The following USP14 variants were observed in gnomAD, a reference collection of about 807,000 sequenced individuals.
USP14 encodes ubiquitin carboxyl-terminal hydrolase 14.
USP14 carries 38 observed loss-of-function variants against 76.5 expected under a neutral mutation model. The ratio of observed to expected loss-of-function variants is 0.50; its 90% CI spans 0.38 to 0.65. The LOEUF (loss-of-function observed/expected upper bound fraction) is 0.65, where lower values mean the gene tolerates loss of function less well. USP14 is among the 30% of genes least tolerant of loss of function. USP14 has a pLI of 0.00. For synonymous variants in USP14, 192 were observed against 191.7 expected (o/e 1.00, Z -0.01); for missense variants, 467 against 586.5 (o/e 0.80, Z 2.10).
At chr18:179,290 A>C (rs1353216498) in intron 4 of USP14, among the ~76,000 whole-genome samples, 3 of 152,054 alleles carry the variant, frequency 2.0e-5, no homozygotes, top group Non-Finnish European at 4.4e-5. Context: ...CTTCCAAGTG[A>C]ATTTACTTAG....
chr18:181,585 A>G lies in USP14; in HGVS notation c.404+1246A>G, dbSNP rs953175164. Among the ~76,000 whole-genome samples, 3 of 152,278 alleles carry G rather than the reference A, an allele frequency of 2.0e-5. No individual in the cohort carries two copies. In the South Asian group the frequency reaches 6.2e-4, roughly 32 times the overall value. On this transcript the variant is annotated intron_variant, in intron 5 of 15. Coordinates refer to ENST00000261601, the MANE Select transcript of USP14 (RefSeq NM_005151.4). ...TATACAAGTTCCTTACCCAATGGAT[A>G]ATTTGCAAATCTTTTCTTCTATACT...
intron 3 of USP14, among the ~76,000 whole-genome samples, chr18:174,709 G>T (rs913785206): frequency 3.3e-5 from 5 of 151,526 alleles, no homozygotes; most frequent in African/African-American, 1.2e-4. Context: ...GGCTCAAGGG[G>T]TTCTCCCACC....
chr18:208,836 C>T (rs1156917216), intron 13 of USP14, among the ~76,000 whole-genome samples: 1 of 152,120 alleles, frequency 6.6e-6, no homozygotes, highest in African/African-American at 2.4e-5. Flanking sequence ...ACCTCTGCCT[C>T]CTGGGTTCAA....
chr18:177,686 A>G (rs1468128660), intron 3 of USP14, among the ~76,000 whole-genome samples: 1 of 140,490 alleles, frequency 7.1e-6, no homozygotes, highest in Non-Finnish European at 1.5e-5. Context: ...ACTTTGTCTC[A>G]TGTGTTCATG....
intron 1 of USP14, chr18:163,052 A>G (rs545442770): frequency 9.8e-5 from 27 of 274,234 alleles, no homozygotes; most frequent in African/African-American, 5.3e-4. Flanking sequence ...CTGGGATTAC[A>G]GGCGTGAGCC....
chr18:192,259 T>C (rs1910111199), intron 5 of USP14, among the ~76,000 whole-genome samples: 1 of 152,240 alleles, frequency 6.6e-6, no homozygotes, highest in Admixed American at 6.5e-5. Flanking sequence ...TGTTTCACAA[T>C]ACTTTCAGAA....
At chr18:202,128 C>A (rs552095302) in intron 10 of USP14, among the ~76,000 whole-genome samples, 5 of 152,272 alleles carry the variant, frequency 3.3e-5, no homozygotes, top group African/African-American at 1.2e-4. Context: ...TAAAGCAGAG[C>A]ACATAAGTAG....
chr18:186,055 TTAAA>T (rs1322479043), intron 5 of USP14, among the ~76,000 whole-genome samples: 1 of 152,146 alleles, frequency 6.6e-6, no homozygotes, highest in Admixed American at 6.6e-5. Flanking sequence ...CAAAAAAATT[TTAAA>T]TAACAGAAAA....
intron 2 of USP14, among the ~76,000 whole-genome samples, chr18:165,836 T>A (rs575915279): frequency 1.2e-4 from 19 of 152,300 alleles, no homozygotes; most frequent in African/African-American, 4.6e-4. Flanking sequence ...CCGTTCCATT[T>A]TAAAGCAGAT....
intron 9 of USP14, 120 bp from the exon 10 acceptor site, chr18:199,082 G>C: frequency 3.2e-6 from 2 of 621,452 alleles, no homozygotes; most frequent in Non-Finnish European, 5.6e-6. Context: ...GAGACTAAAA[G>C]GTTTTAAATG....
intron 12 of USP14, 35 bp from the exon 13 acceptor site, chr18:204,529 G>A (rs1311784464): frequency 1.4e-6 from 2 of 1,469,980 alleles, no homozygotes; most frequent in Non-Finnish European, 1.8e-6. Flanking sequence ...CTTTATAAAT[G>A]TGTTTACACA....
intron 2 of USP14, among the ~76,000 whole-genome samples, chr18:164,602 T>C (rs770008421): frequency 6.6e-6 from 1 of 152,004 alleles, no homozygotes; most frequent in Non-Finnish European, 1.5e-5. Flanking sequence ...TACAGGTGTC[T>C]ACCACCATGC....
chr18:164,039 T>C (rs1480985760), intron 2 of USP14, among the ~76,000 whole-genome samples: 4 of 152,220 alleles, frequency 2.6e-5, no homozygotes, highest in Non-Finnish European at 5.9e-5. Context: ...GACATGACTT[T>C]GTTCTAAAAG....
chr18:210,106 A>G, intron 14 of USP14, 75 bp downstream of exon 14: 2 of 1,191,830 alleles, frequency 1.7e-6, no homozygotes, highest in Admixed American at 4.7e-5. Context: ...CTTACCCCAT[A>G]TTTACTTATT....
At chr18:168,485 A>AGTGT (rs899674651) in intron 3 of USP14, among the ~76,000 whole-genome samples, 1 of 151,804 alleles carries the variant, frequency 6.6e-6, no homozygotes, top group African/African-American at 2.4e-5. Flanking sequence ...CCCAGGCTGG[A>AGTGT]GTGTGGTGGT....
Position 192,888 on chromosome 18 carries a change from T to C in USP14, c.451T>C (p.Tyr151His). The change falls in exon 6 of 16, where the codon TAT becomes CAT. Residue 151 changes from tyrosine to histidine, a missense_variant. Coordinates refer to ENST00000261601, the MANE Select transcript of USP14 (RefSeq NM_005151.4). ...TTCAGGGGAAATGGCTTCAGCGCAG[T>C]ATATTACTGCAGGTTTGTATACTAA... ...RASGEMASAQ[Y>H]ITAALRDLFD... 6.2e-7 allele frequency: 1 copy of C among 1,613,780 alleles called. No individual in the cohort carries two copies. The highest frequency in any genetic ancestry group is 8.5e-7 in the Non-Finnish European group (1 of 1,179,842).
At position 203,145 on chromosome 18, in the gene USP14, A is replaced by AT. The variant is rs1567836078; in HGVS notation, c.997dup (p.Tyr333LeufsTer2). ...CTTACTTGACCATTCAGATGGTTCG[A>AT]TTTTTTTATAAAGAGAAGGAATCTG... On this transcript the variant is annotated frameshift_variant, in exon 12 of 16. Transcript: ENST00000261601. LOFTEE classifies it high-confidence loss of function. 6.2e-7 allele frequency: 1 copy of AT among 1,614,068 alleles called. No homozygotes were observed. The highest frequency in any genetic ancestry group is 8.5e-7 in the Non-Finnish European group (1 of 1,179,982).
intron 10 of USP14, among the ~76,000 whole-genome samples, chr18:200,667 T>C (rs1279578344): frequency 1.3e-5 from 2 of 152,250 alleles, no homozygotes; most frequent in African/African-American, 4.8e-5. Context: ...TTTGGTGTGC[T>C]TTGGGGATAT....
intron 13 of USP14, among the ~76,000 whole-genome samples, chr18:205,363 A>G (rs1910501081): frequency 6.6e-6 from 1 of 152,230 alleles, no homozygotes; most frequent in Non-Finnish European, 1.5e-5. Flanking sequence ...AAAATACAGT[A>G]CATTTCCATC....
Sources: allele counts gnomAD v4.1 joint callset (sites outside exome capture counted in the v4.1 genomes callset), GRCh38; gene constraint gnomAD v4.1.1; transcripts MANE v1.5; gene names NCBI Gene and HGNC (gene_info 2026-07-23, HGNC 2026-07-21).